RFX8: variants seen among roughly 807,000 people sequenced by gnomAD.
RFX8 encodes the protein regulatory factor X8.
In RFX8, 46 loss-of-function variants were observed where a neutral mutation model predicts 54.6. The ratio of observed to expected loss-of-function variants is 0.84; its 90% CI spans 0.67 to 1.08. The LOEUF (loss-of-function observed/expected upper bound fraction) is 1.08. RFX8 is among the 50% of genes least tolerant of loss of function. RFX8 has a pLI of 0.00. For synonymous variants in RFX8, 192 were observed against 209.5 expected (o/e 0.92, Z 0.72); for missense variants, 536 against 562.3 (o/e 0.95, Z 0.47).
rs542374096 is a variant in RFX8 at position 101,473,350 on chromosome 2, C to T, written c.-53+1286G>A. On this transcript the variant is annotated intron_variant, in intron 1 of 11. Coordinates refer to ENST00000428343, the MANE Select transcript of RFX8 (RefSeq NM_001145664.2). ...CCTGGGTCGGTGAGTGTAGCAGAAA[C>T]CTAGCCCGGCTGTGTAACACTGAAA... Among the ~76,000 whole-genome samples, 8 of 152,302 alleles carry T rather than the reference C, an allele frequency of 5.3e-5. No individual in the cohort carries two copies. In the East Asian group the frequency reaches 1.5e-3, roughly 29 times the overall value.
At chr2:101,427,175 G>C (rs751902782) in intron 2 of RFX8, among the ~76,000 whole-genome samples, 27 of 152,144 alleles carry the variant, frequency 1.8e-4, no homozygotes, top group Non-Finnish European at 3.2e-4. Flanking sequence ...GCAGAATCAG[G>C]CCCCTCCACC....
Position 101,464,936 on chromosome 2 carries a change from G to T in RFX8, c.72+1841C>A, listed in dbSNP as rs1297390203. Among the ~76,000 whole-genome samples, 4 of 152,152 alleles carry T rather than the reference G, an allele frequency of 2.6e-5. No homozygotes were observed. In the East Asian group the frequency reaches 7.7e-4, roughly 29 times the overall value. The stretch of plus-strand genomic sequence containing the variant: ...AGTCACCCACTTCCCTCTGATAAGG[G>T]TGGTAGATGGCTGGATGGGAAAAGG... On this transcript the variant is annotated intron_variant, in intron 2 of 11. Transcript: ENST00000428343.
chr2:101,437,677 C>T (rs958209603), intron 2 of RFX8, among the ~76,000 whole-genome samples: 2 of 152,184 alleles, frequency 1.3e-5, no homozygotes, highest in African/African-American at 2.4e-5. Flanking sequence ...CTTTTACACC[C>T]TGTTTAGTTT....
At chr2:101,466,150 A>T (rs1689561465) in intron 2 of RFX8, among the ~76,000 whole-genome samples, 1 of 152,086 alleles carries the variant, frequency 6.6e-6, no homozygotes, top group African/African-American at 2.4e-5. Context: ...ACATCCCTTG[A>T]TGTCACTCAG....
chr2:101,473,034 AAAAG>A (rs1161194268), intron 1 of RFX8, among the ~76,000 whole-genome samples: 3 of 152,012 alleles, frequency 2.0e-5, no homozygotes, highest in Non-Finnish European at 2.9e-5. Flanking sequence ...AAAAAGAGAG[AAAAG>A]AAAGAAAGGA....
chr2:101,408,413 G>A (rs1257428147), intron 9 of RFX8, among the ~76,000 whole-genome samples: 4 of 151,894 alleles, frequency 2.6e-5, no homozygotes, highest in Admixed American at 6.6e-5. Context: ...TGAACCCTGG[G>A]GGCGGAGCCT....
intron 2 of RFX8, among the ~76,000 whole-genome samples, chr2:101,432,991 G>C (rs968305420): frequency 6.6e-6 from 1 of 152,106 alleles, no homozygotes; most frequent in Non-Finnish European, 1.5e-5. Context: ...CCCTTACCTA[G>C]GATGTTAGGA....
At position 101,427,008 on chromosome 2, in the gene RFX8, C is replaced by T. The variant is rs544892849; in HGVS notation, c.73-4536G>A. Among the ~76,000 whole-genome samples, 141 of 152,318 alleles carry T rather than the reference C, an allele frequency of 9.3e-4. 1 individual carries two copies. Among genetic ancestry groups the T allele is most frequent in the African/African-American group, 2.8e-3 (115 of 41,564 alleles). The stretch of plus-strand genomic sequence containing the variant: ...GCCCTCTGGTCCTCTCCACCCACCT[C>T]GCCCAGTGTGCTGCTCCCCAGCATA... On this transcript the variant is annotated intron_variant, in intron 2 of 11. Transcript: ENST00000428343.
chr2:101,450,859 C>T (rs1378936187), intron 2 of RFX8, among the ~76,000 whole-genome samples: 1 of 152,176 alleles, frequency 6.6e-6, no homozygotes, highest in Non-Finnish European at 1.5e-5. Flanking sequence ...AGACAGGCAA[C>T]TTCATACACT....
intron 4 of RFX8, chr2:101,421,227 A>G (rs1284317477): frequency 2.0e-6 from 2 of 981,986 alleles, no homozygotes; most frequent in East Asian, 2.3e-4. Context: ...TTCATCTCAC[A>G]CTGCAGAAGA....
chr2:101,444,161 C>T (rs965036370), intron 2 of RFX8, among the ~76,000 whole-genome samples: 1 of 152,156 alleles, frequency 6.6e-6, no homozygotes, highest in East Asian at 1.9e-4. Flanking sequence ...CATAAGGAGA[C>T]CCAGGCCCAG....
chr2:101,421,760 G>C lies in RFX8; in HGVS notation c.201C>G (p.Asp67Glu), dbSNP rs369894843. 3.7e-5 allele frequency: 58 copies of C among 1,549,770 alleles called. No individual in the cohort carries two copies. In the African/African-American group the frequency reaches 7.7e-4, roughly 20 times the overall value. The stretch of plus-strand genomic sequence containing the variant: ...TGTCTCGACAATAGTTGCAGTATTC[G>C]TCAGCAAGGAAGGCCATCTAGGAAG... ...YSCNMMAFLADEYCNYCRDIL... is the reference protein window; with the variant it reads ...YSCNMMAFLAEEYCNYCRDIL... Residue 67 changes from aspartate (D) to glutamate (E), a missense_variant, in exon 4 of 12, where the codon GAC (aspartate) becomes GAG (glutamate). By Grantham distance (45) the Asp-to-Glu change is conservative. Coordinates refer to ENST00000428343, the MANE Select transcript of RFX8 (RefSeq NM_001145664.2).
At chr2:101,435,330 G>A (rs6543053) in intron 2 of RFX8, among the ~76,000 whole-genome samples, 111,733 of 152,124 alleles carry the variant, frequency 0.73, 42,484 homozygotes, top group Middle Eastern at 0.88. Flanking sequence ...TGTTTCGGGA[G>A]GGATGAGGGC....
intron 2 of RFX8, among the ~76,000 whole-genome samples, chr2:101,463,011 T>A (rs1021594324): frequency 7.9e-5 from 12 of 152,150 alleles, no homozygotes; most frequent in African/African-American, 2.9e-4. Context: ...AAAAATCAAA[T>A]CAGGAAGAAG....
Position 101,417,572 on chromosome 2 carries a change from TC to T in RFX8, c.463del (p.Glu155LysfsTer22). ...KFKLWLLNAL[E>X]GVPALLQISK... The stretch of plus-strand genomic sequence containing the variant: ...GATCTGCAAGAGGGCTGGAACACCT[TC>T]CAAAGCATTAAGGAGCCACAGCTTA... On this transcript the variant is annotated frameshift_variant, in exon 6 of 12. Coordinates refer to ENST00000428343, the MANE Select transcript of RFX8 (RefSeq NM_001145664.2). LOFTEE classifies it high-confidence loss of function. The T allele has an allele frequency of 6.4e-7, 1 of 1,551,542 alleles. No individual in the cohort carries two copies. The highest frequency in any genetic ancestry group is 8.7e-7 in the Non-Finnish European group (1 of 1,146,882).
chr2:101,405,994 G>A lies in RFX8; in HGVS notation c.877C>T (p.Leu293Phe). Residue 293 changes from leucine (L) to phenylalanine (F), a missense_variant, in exon 10 of 12, where the codon CTT becomes TTT. Transcript: ENST00000428343. ...AASFQLRWNLLLTAVSKAMTL... is the reference protein window; with the variant it reads ...AASFQLRWNLFLTAVSKAMTL... ...ATGGCTTTGCTTACAGCAGTGAGAA[G>A]AAGATTCCATCTCAGCTGGAAGCTG... 1 of 1,549,726 alleles carries A rather than the reference G, an allele frequency of 6.5e-7. No individual in the cohort carries two copies. Among genetic ancestry groups the A allele is most frequent in the Non-Finnish European group, 8.7e-7 (1 of 1,146,150 alleles).
chr2:101,410,203 G>C (rs1015073149), intron 9 of RFX8, among the ~76,000 whole-genome samples: 2 of 150,712 alleles, frequency 1.3e-5, no homozygotes, highest in Non-Finnish European at 3.0e-5. Flanking sequence ...ATGCTCACCT[G>C]TACACACACT....
At chr2:101,425,342 G>A (rs1341527367) in intron 2 of RFX8, among the ~76,000 whole-genome samples, 1 of 152,184 alleles carries the variant, frequency 6.6e-6, no homozygotes, top group Non-Finnish European at 1.5e-5. Flanking sequence ...TGAGATCCAT[G>A]TTCCTAGGCC....
intron 2 of RFX8, among the ~76,000 whole-genome samples, chr2:101,446,434 A>C (rs969494581): frequency 1.3e-5 from 2 of 152,018 alleles, no homozygotes; most frequent in Non-Finnish European, 2.9e-5. Flanking sequence ...TTGGTCTCCC[A>C]AAGTGCTGGG....
Sources: allele counts gnomAD v4.1 joint callset (sites outside exome capture counted in the v4.1 genomes callset), GRCh38; gene constraint gnomAD v4.1.1; transcripts MANE v1.5; gene names NCBI Gene and HGNC (gene_info 2026-07-23, HGNC 2026-07-21).